PSD3: variants seen among roughly 807,000 people sequenced by gnomAD.
PSD3 encodes PH and SEC7 domain-containing protein 3.
Under a neutral mutation model 105.5 loss-of-function variants are expected in PSD3, and 49 were observed. The observed-to-expected ratio is 0.46, with a 90% CI of 0.37 to 0.59. PSD3 has a LOEUF of 0.59. Ranked by LOEUF, PSD3 falls within the 20% of genes least tolerant of loss-of-function variation. The probability of loss-of-function intolerance (pLI) is 0.00; values close to 1 mark genes in which losing one functional copy is unlikely to be tolerated. For missense variants in PSD3, 1,561 were observed against 1,263.8 expected, an observed-to-expected ratio of 1.24 and a Z score of -3.57; for synonymous variants, 557 against 457.8, an observed-to-expected ratio of 1.22 and a Z score of -2.77.
At chr8:18,632,563 GCATAAAGAT>G in intron 11 of PSD3, 41 bp downstream of exon 11, 1 of 1,531,864 alleles carries the variant, frequency 6.5e-7, no homozygotes, top group Non-Finnish European at 8.9e-7. Flanking sequence ...TAAATTTTGA[GCATAAAGAT>G]AAAATAAATG....
rs572817191 is a variant in PSD3, at chr8:18,816,400, G to A, written c.1635-11502C>T. Among the ~76,000 whole-genome samples the A allele has an allele frequency of 5.3e-5, 8 of 152,286 alleles. No homozygotes were observed. The South Asian group carries it at 6.2e-4, about 12-fold the overall frequency. On this transcript the variant is annotated intron_variant, in intron 4 of 15. Coordinates refer to ENST00000327040, the MANE Select transcript of PSD3 (RefSeq NM_015310.4). ...GCTGGGATTGGGGCTCAGCAATGGC[G>A]GCTGCAGTTGTGCATTCAGCCTCTT...
At chr8:18,645,558 CTTAG>C (rs974412081) in intron 10 of PSD3, among the ~76,000 whole-genome samples, 1 of 152,104 alleles carries the variant, frequency 6.6e-6, no homozygotes, top group Non-Finnish European at 1.5e-5. Context: ...TAGATTTAAC[CTTAG>C]TTATTCTTCG....
intron 12 of PSD3, among the ~76,000 whole-genome samples, chr8:18,592,307 G>A (rs1415745956): frequency 2.0e-5 from 3 of 151,984 alleles, no homozygotes; most frequent in Non-Finnish European, 2.9e-5. Context: ...ACTTGAAAAC[G>A]GGCCATTTGA....
At chr8:18,646,350 G>C (rs1585487755) in intron 10 of PSD3, among the ~76,000 whole-genome samples, 1 of 151,940 alleles carries the variant, frequency 6.6e-6, no homozygotes, top group Non-Finnish European at 1.5e-5. Context: ...ATATTCACTA[G>C]GGATTAAGGA....
chr8:18,735,050 T>A (rs1318025153), intron 9 of PSD3, among the ~76,000 whole-genome samples: 1 of 152,206 alleles, frequency 6.6e-6, no homozygotes, highest in African/African-American at 2.4e-5. Flanking sequence ...GGACCACTCA[T>A]GCCTTAGCAT....
intron 15 of PSD3, among the ~76,000 whole-genome samples, chr8:18,538,534 T>A (rs1409566836): frequency 6.6e-6 from 1 of 152,106 alleles, no homozygotes; most frequent in African/African-American, 2.4e-5. Flanking sequence ...GAAACAAAGT[T>A]TGGTAAAATA....
At chr8:18,708,816 G>C (rs1563188458) in intron 9 of PSD3, among the ~76,000 whole-genome samples, 1 of 151,910 alleles carries the variant, frequency 6.6e-6, no homozygotes, top group African/African-American at 2.4e-5. Context: ...GAGGTGGTTG[G>C]CGTGACCCAT....
In PSD3 at chr8:18,560,191, C is replaced by G. The variant is rs558512618; in HGVS notation, c.2785-3839G>C. 4.6e-5 allele frequency among the ~76,000 whole-genome samples: 7 copies of G among 151,440 alleles called. No individual in the cohort carries two copies. In the East Asian group the frequency reaches 1.4e-3, roughly 29 times the overall value. ...TACACATTTTACACACACACACACACACACACACACACACACACAAACAAA... is the reference window on the plus strand; with the variant it reads ...TACACATTTTACACACACACACACAGACACACACACACACACACAAACAAA... On this transcript the variant is annotated intron_variant, in intron 14 of 15. Transcript: ENST00000327040.
chr8:18,607,956 C>T (rs571666364), intron 11 of PSD3, among the ~76,000 whole-genome samples: 3 of 152,270 alleles, frequency 2.0e-5, no homozygotes, highest in Non-Finnish European at 4.4e-5. Flanking sequence ...CAGGAGAACT[C>T]ACTCATTATC....
intron 9 of PSD3, among the ~76,000 whole-genome samples, chr8:18,704,425 T>G (rs1286644773): frequency 6.6e-6 from 1 of 152,078 alleles, no homozygotes; most frequent in Admixed American, 6.5e-5. Flanking sequence ...GAAACTTCTG[T>G]CTCCTGGGTT....
intron 1 of PSD3, among the ~76,000 whole-genome samples, chr8:19,074,760 A>G (rs1021092442): frequency 2.7e-5 from 4 of 150,432 alleles, no homozygotes; most frequent in African/African-American, 7.3e-5. Flanking sequence ...AGCTGGGACT[A>G]CAAGCGCCCA....
intron 1 of PSD3, among the ~76,000 whole-genome samples, chr8:19,057,101 T>A (rs1463589941): frequency 3.3e-5 from 5 of 152,246 alleles, no homozygotes; most frequent in African/African-American, 9.6e-5. Flanking sequence ...AACCCCTCAA[T>A]CCTGCATCAA....
At chr8:19,083,886 G>A (rs376070094) in intron 1 of PSD3, among the ~76,000 whole-genome samples, 3 of 152,296 alleles carry the variant, frequency 2.0e-5, no homozygotes, top group East Asian at 1.9e-4. Flanking sequence ...ATAAATGTCT[G>A]GGTACCTCCT....
intron 1 of PSD3, among the ~76,000 whole-genome samples, chr8:19,045,034 A>G (rs1269748513): frequency 6.6e-6 from 1 of 152,074 alleles, no homozygotes; most frequent in Non-Finnish European, 1.5e-5. Context: ...AAAATACAAA[A>G]ATTAGCTGAG....
intron 10 of PSD3, among the ~76,000 whole-genome samples, chr8:18,641,768 A>C (rs987556632): frequency 6.6e-6 from 1 of 152,222 alleles, no homozygotes; most frequent in Non-Finnish European, 1.5e-5. Flanking sequence ...CAATACTGTG[A>C]TCAGATGATT....
At chr8:18,607,941 G>A (rs1185224892) in intron 11 of PSD3, among the ~76,000 whole-genome samples, 6 of 152,132 alleles carry the variant, frequency 3.9e-5, no homozygotes, top group African/African-American at 1.4e-4. Flanking sequence ...AAAGCCATCA[G>A]ATCTCAGGAG....
chr8:18,587,296 G>C (rs1314906095), intron 12 of PSD3, among the ~76,000 whole-genome samples: 2 of 152,116 alleles, frequency 1.3e-5, no homozygotes, highest in Non-Finnish European at 2.9e-5. Context: ...CAGCGGCAAT[G>C]ACCTCTCACT....
chr8:18,580,892 C>G (rs1040373309), intron 12 of PSD3, among the ~76,000 whole-genome samples: 3 of 152,146 alleles, frequency 2.0e-5, no homozygotes, highest in Non-Finnish European at 2.9e-5. Context: ...TAACGAGCCA[C>G]CTACACCCGT....
At chr8:18,781,491 T>C (rs916767754) in intron 8 of PSD3, among the ~76,000 whole-genome samples, 1 of 152,202 alleles carries the variant, frequency 6.6e-6, no homozygotes, top group Non-Finnish European at 1.5e-5. Flanking sequence ...TGGCCTCTCA[T>C]ATTCCTTGAA....
Sources: allele counts gnomAD v4.1 joint callset (sites outside exome capture counted in the v4.1 genomes callset), GRCh38; gene constraint gnomAD v4.1.1; transcripts MANE v1.5; gene names NCBI Gene and HGNC (gene_info 2026-07-23, HGNC 2026-07-21).